GRIP1: variants seen among roughly 807,000 people sequenced by gnomAD.
GRIP1 encodes glutamate receptor interacting protein 1.
GRIP1 carries 45 observed loss-of-function variants against 129.9 expected under a neutral mutation model. That is an observed-to-expected ratio of 0.35 (90% CI 0.27 to 0.44). GRIP1 has a LOEUF of 0.44. GRIP1 is among the 20% of genes least tolerant of loss of function. The pLI is 1.00. For missense variants in GRIP1, 1,196 were observed against 1,396.8 expected, an observed-to-expected ratio of 0.86 and a Z score of 2.29; for synonymous variants, 530 against 520.8, an observed-to-expected ratio of 1.02 and a Z score of -0.24.
intron 2 of GRIP1, among the ~76,000 whole-genome samples, chr12:66,578,329 C>A (rs576483001): frequency 6.9e-6 from 1 of 145,326 alleles, no homozygotes; most frequent in Admixed American, 7.2e-5. Flanking sequence ...GTGTGAGCGA[C>A]GCAGAAGACG....
At chr12:66,698,288 T>C (rs1476152766) in intron 1 of GRIP1, among the ~76,000 whole-genome samples, 3 of 152,354 alleles carry the variant, frequency 2.0e-5, no homozygotes, top group East Asian at 1.9e-4. Context: ...TCACAATTAA[T>C]TGTACTTAAT....
chr12:66,687,168 A>G (rs969655115), intron 1 of GRIP1, among the ~76,000 whole-genome samples: 2 of 152,214 alleles, frequency 1.3e-5, no homozygotes, highest in African/African-American at 2.4e-5. Context: ...TGTACTGACA[A>G]TATTTTAAGG....
chr12:66,804,139 C>T lies in GRIP1; in HGVS notation c.-506G>A, dbSNP rs751843576. 1.5e-5 allele frequency: 7 copies of T among 455,792 alleles called. No individual in the cohort carries two copies. In the East Asian group the frequency reaches 4.9e-4, roughly 32 times the overall value. 28.2% of individuals were successfully genotyped at this position (455,792 alleles called of 1,614,324 possible). Reference sequence around the variant, plus strand: ...TGGTCGGTACTTTTTCCCCTTTCTTCTCCTAGATCTTCTTATCGCCTTGAC... The same window carrying T: ...TGGTCGGTACTTTTTCCCCTTTCTTTTCCTAGATCTTCTTATCGCCTTGAC... On this transcript the variant is annotated 5_prime_UTR_variant, in exon 1 of 5. Transcript: ENST00000538373.
At chr12:66,940,305 A>C (rs1282481433) in intron 1 of GRIP1, among the ~76,000 whole-genome samples, 1 of 152,184 alleles carries the variant, frequency 6.6e-6, no homozygotes, top group Non-Finnish European at 1.5e-5. Context: ...CTCATCACCA[A>C]GATAACAGGG....
At chr12:66,780,225 G>T (rs528697071) in intron 1 of GRIP1, among the ~76,000 whole-genome samples, 4 of 152,190 alleles carry the variant, frequency 2.6e-5, no homozygotes, top group Admixed American at 6.5e-5. Context: ...AGAAGAGCAG[G>T]AATCAGTGTT....
intron 1 of GRIP1, among the ~76,000 whole-genome samples, chr12:66,898,273 AT>A (rs1175066728): frequency 5.3e-5 from 8 of 152,146 alleles, no homozygotes; most frequent in African/African-American, 1.9e-4. Context: ...AGCTTATGGC[AT>A]TTTTTTCTTT....
chr12:66,793,483 G>A (rs778812788), intron 1 of GRIP1, among the ~76,000 whole-genome samples: 11 of 152,190 alleles, frequency 7.2e-5, no homozygotes, highest in Non-Finnish European at 1.5e-4. Flanking sequence ...TCACACTAGA[G>A]TGTAAGGTAA....
At chr12:66,915,058 A>G (rs1250703692) in intron 1 of GRIP1, among the ~76,000 whole-genome samples, 1 of 152,146 alleles carries the variant, frequency 6.6e-6, no homozygotes, top group East Asian at 1.9e-4. Context: ...CTCCCAATTT[A>G]CCTGATCTTG....
chr12:66,406,527 G>A, intron 15 of GRIP1, 99 bp from the exon 16 acceptor site: 1 of 1,139,454 alleles, frequency 8.8e-7, no homozygotes, highest in Non-Finnish European at 1.3e-6. Flanking sequence ...GTAGTCTTTA[G>A]AGGAAAAGAG....
chr12:66,694,994 T>C (rs1037593734), intron 1 of GRIP1, among the ~76,000 whole-genome samples: 3 of 152,226 alleles, frequency 2.0e-5, no homozygotes, highest in Non-Finnish European at 4.4e-5. Flanking sequence ...ACTGTTGTTG[T>C]TATAATTTCA....
At chr12:66,397,565 AC>A (rs2137569391) in intron 16 of GRIP1, among the ~76,000 whole-genome samples, 1 of 152,298 alleles carries the variant, frequency 6.6e-6, no homozygotes, top group African/African-American at 2.4e-5. Flanking sequence ...CTTTAAAAAA[AC>A]AGTTGGTTTT....
intron 1 of GRIP1, among the ~76,000 whole-genome samples, chr12:66,644,713 T>C: frequency 6.6e-6 from 1 of 152,320 alleles, no homozygotes; most frequent in East Asian, 1.9e-4. Context: ...TACGTAGGAC[T>C]CTGTCTGACT....
At chr12:66,741,720 T>C (rs2036793457) in intron 1 of GRIP1, among the ~76,000 whole-genome samples, 1 of 152,196 alleles carries the variant, frequency 6.6e-6, no homozygotes, top group Admixed American at 6.5e-5. Context: ...ATGTATTCTG[T>C]ACTTACAGCA....
chr12:67,068,215 A>T (rs1268831477), intron 1 of GRIP1, among the ~76,000 whole-genome samples: 1 of 152,164 alleles, frequency 6.6e-6, no homozygotes, highest in East Asian at 1.9e-4. Flanking sequence ...CTAAGCCTTG[A>T]AGGTGCAAAA....
chr12:66,627,481 A>C (rs1411676506), intron 1 of GRIP1, among the ~76,000 whole-genome samples: 2 of 152,350 alleles, frequency 1.3e-5, no homozygotes, highest in South Asian at 4.1e-4. Context: ...AGCTGACTGT[A>C]GCAGTTCTCA....
intron 9 of GRIP1, among the ~76,000 whole-genome samples, chr12:66,460,197 G>A (rs763443450): frequency 2.0e-5 from 3 of 152,136 alleles, no homozygotes; most frequent in Non-Finnish European, 2.9e-5. Context: ...CAGACATACC[G>A]CCTCTTCCTA....
In GRIP1 at chr12:66,440,410, T is replaced by C. The variant is rs550777012; in HGVS notation, c.1687+4174A>G. On this transcript the variant is annotated intron_variant, in intron 13 of 24. Transcript: ENST00000359742. ...GCTAGCAAACACCAGGTCTTATTCA[T>C]TCTTTCCAAATTTTTTTTGGACCCA... is the stretch of plus-strand genomic sequence containing the variant. 2.8e-3 allele frequency among the ~76,000 whole-genome samples: 429 copies of C among 152,310 alleles called. 2 individuals are homozygous for C. The highest frequency in any genetic ancestry group is 9.5e-3 in the South Asian group (46 of 4,828).
At chr12:66,682,540 C>G (rs187365135), upstream of GRIP1, among the ~76,000 whole-genome samples, 343 of 152,130 alleles carry the variant, frequency 2.3e-3, 2 homozygotes, top group South Asian at 0.014. Flanking sequence ...GTCTCAAAAC[C>G]AAAGCATTCC....
At chr12:67,010,819 C>G (rs2042695465) in intron 1 of GRIP1, among the ~76,000 whole-genome samples, 1 of 151,954 alleles carries the variant, frequency 6.6e-6, no homozygotes, top group Non-Finnish European at 1.5e-5. Flanking sequence ...CACTGTCTCC[C>G]CCCCAGCGCA....
Sources: allele counts gnomAD v4.1 joint callset (sites outside exome capture counted in the v4.1 genomes callset), GRCh38; gene constraint gnomAD v4.1.1; transcripts MANE v1.5; gene names NCBI Gene and HGNC (gene_info 2026-07-23, HGNC 2026-07-21).